MAML3: variants seen among roughly 807,000 people sequenced by gnomAD.
MAML3 encodes mastermind like transcriptional coactivator 3.
In MAML3, 27 loss-of-function variants were observed where a neutral mutation model predicts 101.9. The observed-to-expected ratio is 0.27, with a 90% CI of 0.20 to 0.37. MAML3 has a LOEUF of 0.37. Ranked by LOEUF, MAML3 falls within the 10% of genes least tolerant of loss-of-function variation. The pLI, the probability that MAML3 is intolerant of heterozygous loss-of-function variation, is 1.00. For missense variants in MAML3, 1,316 were observed against 1,444.9 expected (o/e 0.91, Z 1.45); for synonymous variants, 501 against 555.9 (o/e 0.90, Z 1.39).
At chr4:139,972,670 ATACATT>A (rs1734251615) in intron 1 of MAML3, among the ~76,000 whole-genome samples, 1 of 152,246 alleles carries the variant, frequency 6.6e-6, no homozygotes. Context: ...ATACAAATGT[ATACATT>A]TATCTAAACT....
intron 1 of MAML3, among the ~76,000 whole-genome samples, chr4:139,943,162 C>T (rs1054987813): frequency 1.3e-5 from 2 of 152,210 alleles, no homozygotes; most frequent in Non-Finnish European, 2.9e-5. Flanking sequence ...TTTTGAATAG[C>T]GCCTCCCCCT....
At chr4:140,087,138 C>T (rs1727966573) in intron 1 of MAML3, among the ~76,000 whole-genome samples, 1 of 152,202 alleles carries the variant, frequency 6.6e-6, no homozygotes, top group African/African-American at 2.4e-5. Context: ...CCAGCTTGGG[C>T]AAGAGTAAGA....
chr4:140,060,344 C>A (rs1441735498), intron 1 of MAML3, among the ~76,000 whole-genome samples: 1 of 80,420 alleles, frequency 1.2e-5, no homozygotes, highest in South Asian at 4.5e-4. Context: ...CCAGCCTGGG[C>A]GACAGAGTAA....
At chr4:140,038,525 C>T (rs2110903346) in intron 1 of MAML3, among the ~76,000 whole-genome samples, 1 of 152,270 alleles carries the variant, frequency 6.6e-6, no homozygotes, top group East Asian at 1.9e-4. Flanking sequence ...CACTGTTTGT[C>T]CTGAGGAAGT....
At chr4:139,913,700 T>A (rs1223662725) in intron 1 of MAML3, among the ~76,000 whole-genome samples, 1 of 152,212 alleles carries the variant, frequency 6.6e-6, no homozygotes, top group Non-Finnish European at 1.5e-5. Context: ...GACAAGGGTT[T>A]AGGTCCCGCA....
rs34701956 is a variant in MAML3 at position 140,067,200 on chromosome 4, G to GGTGTGTGTGT, written c.468+85650_468+85659dup. On this transcript the variant is annotated intron_variant, in intron 1 of 4. Coordinates refer to ENST00000509479, the MANE Select transcript of MAML3 (RefSeq NM_018717.5). ...TGGGCCATTCAGAACAAATTTTAGG[G>GGTGTGTGTGT]GTGTGTGTGTGTGTGTGTGTGTGTG... Among the ~76,000 whole-genome samples the GGTGTGTGTGT allele has an allele frequency of 2.0e-5, 3 of 149,758 alleles. No homozygotes were observed. The East Asian group carries it at 5.9e-4, about 29-fold the overall frequency.
chr4:140,047,955 C>T (rs1282741332), intron 1 of MAML3, among the ~76,000 whole-genome samples: 3 of 152,182 alleles, frequency 2.0e-5, no homozygotes, highest in Non-Finnish European at 4.4e-5. Context: ...CAAAAACATT[C>T]CAGTTCTCAA....
intron 2 of MAML3, among the ~76,000 whole-genome samples, chr4:139,756,495 A>G (rs1482726711): frequency 6.6e-6 from 1 of 152,204 alleles, no homozygotes; most frequent in Non-Finnish European, 1.5e-5. Context: ...CCTGAGAGTC[A>G]AGGACTCCAA....
chr4:139,961,942 T>C (rs561804650), intron 1 of MAML3, among the ~76,000 whole-genome samples: 1 of 152,146 alleles, frequency 6.6e-6, no homozygotes, highest in South Asian at 2.1e-4. Context: ...GGCAAAACTC[T>C]GTCTCTATAA....
intron 2 of MAML3, among the ~76,000 whole-genome samples, chr4:139,767,357 T>G (rs1295094564): frequency 6.6e-6 from 1 of 152,246 alleles, no homozygotes; most frequent in Non-Finnish European, 1.5e-5. Context: ...TCGTCACAGA[T>G]CTATCATCCA....
At chr4:140,003,430 T>C (rs533341932) in intron 1 of MAML3, among the ~76,000 whole-genome samples, 1 of 152,034 alleles carries the variant, frequency 6.6e-6, no homozygotes, top group African/African-American at 2.4e-5. Flanking sequence ...TGGGGGGTAA[T>C]AGGCTAGGGG....
At chr4:139,905,838 C>G (rs1039933151) in intron 1 of MAML3, among the ~76,000 whole-genome samples, 1 of 152,132 alleles carries the variant, frequency 6.6e-6, no homozygotes, top group Non-Finnish European at 1.5e-5. Flanking sequence ...TTAGGGCCTA[C>G]CCTAATGCCC....
intron 2 of MAML3, among the ~76,000 whole-genome samples, chr4:139,853,828 T>A (rs2874295): frequency 0.4 from 60,974 of 151,120 alleles, 12,858 homozygotes; most frequent in African/African-American, 0.49. Context: ...ATTTTATTTT[T>A]ATTTTTTTTT....
chr4:140,097,076 G>A (rs896738171), intron 1 of MAML3, among the ~76,000 whole-genome samples: 1 of 151,934 alleles, frequency 6.6e-6, no homozygotes, highest in Non-Finnish European at 1.5e-5. Context: ...CCAATACCCT[G>A]GAGAATACAT....
chr4:139,973,443 T>C (rs936460238), intron 1 of MAML3, among the ~76,000 whole-genome samples: 5 of 152,198 alleles, frequency 3.3e-5, no homozygotes, highest in Non-Finnish European at 7.3e-5. Flanking sequence ...AAAGTCATTA[T>C]TGATTCGTTT....
At chr4:139,942,189 G>GGCAA (rs1459933354) in intron 1 of MAML3, among the ~76,000 whole-genome samples, 1 of 151,674 alleles carries the variant, frequency 6.6e-6, no homozygotes, top group Non-Finnish European at 1.5e-5. Flanking sequence ...CAGGCAGGCA[G>GGCAA]GCAGGCAGGC....
rs1728449806 is a variant in MAML3, at chr4:139,725,832, A to G, written c.2335T>C (p.Leu779=). ...TGCCGGGGTAGATGTGATTGCTGCA[A>G]CTGCTAGAACAACAGAACACAAGAG... ...QQQQILAEQQ[L]QQSHLPRQHL... Residue 779 remains leucine, a synonymous_variant, in exon 4 of 5, where the codon TTG becomes CTG. Transcript: ENST00000509479. The G allele has an allele frequency of 6.2e-7, 1 of 1,613,692 alleles. No individual in the cohort carries two copies. The highest frequency in any genetic ancestry group is 1.7e-5 in the Admixed American group (1 of 59,996).
intron 2 of MAML3, among the ~76,000 whole-genome samples, chr4:139,764,394 G>A (rs996804102): frequency 6.6e-6 from 1 of 152,240 alleles, no homozygotes; most frequent in African/African-American, 2.4e-5. Context: ...ACAAGGGGAC[G>A]TCTGTGCCCC....
In MAML3 at chr4:139,747,277, A is replaced by C. The variant is rs1729355259; in HGVS notation, c.2080-16610T>G. Among the ~76,000 whole-genome samples the C allele has an allele frequency of 3.3e-5, 5 of 152,204 alleles. No homozygotes were observed. The South Asian group carries it at 8.3e-4, about 25-fold the overall frequency. On this transcript the variant is annotated intron_variant, in intron 2 of 4. Coordinates refer to ENST00000509479, the MANE Select transcript of MAML3 (RefSeq NM_018717.5). The stretch of plus-strand genomic sequence containing the variant: ...GAGAGTTTGTGGCGCCGGTGGGAGG[A>C]GGGAGAAGAGTGCAGAGCGCGGGCA...
Sources: allele counts gnomAD v4.1 joint callset (sites outside exome capture counted in the v4.1 genomes callset), GRCh38; gene constraint gnomAD v4.1.1; transcripts MANE v1.5; gene names NCBI Gene and HGNC (gene_info 2026-07-23, HGNC 2026-07-21).